GALNTL6: variants seen among roughly 807,000 people sequenced by gnomAD.
GALNTL6 encodes polypeptide N-acetylgalactosaminyltransferase like 6.
In GALNTL6, 46 loss-of-function variants were observed where a neutral mutation model predicts 73.7. The ratio of observed to expected loss-of-function variants is 0.62; its 90% confidence interval spans 0.49 to 0.80. The LOEUF is 0.80. GALNTL6 is among the 30% of genes least tolerant of loss of function. GALNTL6 has a pLI of 0.00. For missense variants in GALNTL6, 604 were observed against 755.0 expected (o/e 0.80, Z 2.34); for synonymous variants, 259 against 263.7 (o/e 0.98, Z 0.17).
chr4:172,373,704 C>A (rs1742911365), intron 5 of GALNTL6, among the ~76,000 whole-genome samples: 1 of 152,068 alleles, frequency 6.6e-6, no homozygotes, highest in Non-Finnish European at 1.5e-5. Flanking sequence ...ATAATAGCTC[C>A]ACCTAATATA....
At chr4:172,623,351 G>GTAGTTTTAA (rs1560840991) in intron 5 of GALNTL6, among the ~76,000 whole-genome samples, 1 of 151,878 alleles carries the variant, frequency 6.6e-6, no homozygotes, top group African/African-American at 2.4e-5. Context: ...TCGATTATGT[G>GTAGTTTTAA]ATCATATGTA....
At chr4:172,907,296 G>A (rs1294334174) in intron 8 of GALNTL6, among the ~76,000 whole-genome samples, 1 of 151,478 alleles carries the variant, frequency 6.6e-6, no homozygotes, top group Non-Finnish European at 1.5e-5. Context: ...GCTTCACCAG[G>A]GTAGCACAAA....
intron 5 of GALNTL6, among the ~76,000 whole-genome samples, chr4:172,381,580 A>G (rs1579017174): frequency 6.6e-6 from 1 of 152,082 alleles, no homozygotes; most frequent in Non-Finnish European, 1.5e-5. Context: ...AGGCTTGTTC[A>G]TTTTGTAGCA....
At chr4:171,924,039 C>T (rs1456369893) in intron 2 of GALNTL6, among the ~76,000 whole-genome samples, 1 of 151,886 alleles carries the variant, frequency 6.6e-6, no homozygotes, top group African/African-American at 2.4e-5. Flanking sequence ...ATAACTCTTA[C>T]TTACTGAATA....
intron 2 of GALNTL6, among the ~76,000 whole-genome samples, chr4:171,821,208 T>A (rs539888485): frequency 1.2e-4 from 19 of 152,096 alleles, no homozygotes; most frequent in African/African-American, 3.1e-4. Flanking sequence ...GATAACTTTT[T>A]AAAAAATTTT....
At chr4:172,398,798 G>A (rs1743937050) in intron 5 of GALNTL6, among the ~76,000 whole-genome samples, 2 of 151,876 alleles carry the variant, frequency 1.3e-5, no homozygotes, top group Admixed American at 6.6e-5. Context: ...GTATTTATGG[G>A]CTTGGTTTGA....
intron 2 of GALNTL6, among the ~76,000 whole-genome samples, chr4:171,905,652 A>C (rs1737253332): frequency 6.7e-6 from 1 of 150,336 alleles, no homozygotes; most frequent in Non-Finnish European, 1.5e-5. Flanking sequence ...CCTAATAGAC[A>C]TCTACAGAAC....
At chr4:172,092,806 T>A (rs1325359438) in intron 2 of GALNTL6, among the ~76,000 whole-genome samples, 11 of 151,808 alleles carry the variant, frequency 7.2e-5, no homozygotes, top group Non-Finnish European at 1.6e-4. Flanking sequence ...AATTTTGTCT[T>A]GAAGAAAAAA....
chr4:172,109,075 CATATT>C (rs574025322), intron 2 of GALNTL6, among the ~76,000 whole-genome samples: 46 of 146,046 alleles, frequency 3.1e-4, no homozygotes, highest in Admixed American at 2.8e-3. Flanking sequence ...GGGTTTTTCT[CATATT>C]ATGTCATTTA....
rs1741154832 is a variant in GALNTL6, at chr4:172,809,351, T to A, written c.554-10T>A. ...GCGTTTTTTCTATGCATTCTCTACT[T>A]CCTACCTAGAACACCTGAAGGATAA... On this transcript the variant is annotated splice_polypyrimidine_tract_variant and intron_variant, in intron 5 of 12. Coordinates refer to ENST00000506823, the MANE Select transcript of GALNTL6 (RefSeq NM_001034845.3). The surrounding 1 kb of genome is among the most constrained non-coding windows in gnomAD (Gnocchi z 4.4). The A allele has an allele frequency of 6.2e-7, 1 of 1,611,998 alleles. No individual in the cohort carries two copies. Among genetic ancestry groups the A allele is most frequent in the South Asian group, 1.1e-5 (1 of 90,812 alleles).
At chr4:172,102,296 C>G (rs1293809627) in intron 2 of GALNTL6, among the ~76,000 whole-genome samples, 1 of 152,096 alleles carries the variant, frequency 6.6e-6, no homozygotes, top group East Asian at 1.9e-4. Context: ...TATTTCTTAC[C>G]CAGATAACAA....
chr4:171,911,785 T>C (rs1248421324), intron 2 of GALNTL6, among the ~76,000 whole-genome samples: 2 of 152,202 alleles, frequency 1.3e-5, no homozygotes, highest in Non-Finnish European at 2.9e-5. Flanking sequence ...ATTTATTATA[T>C]TTATTTATGG....
chr4:172,823,717 G>A (rs565528266), intron 7 of GALNTL6, among the ~76,000 whole-genome samples: 13 of 151,970 alleles, frequency 8.6e-5, no homozygotes, highest in Non-Finnish European at 1.3e-4. Context: ...ACAGCAGAAG[G>A]CATTTATCCA....
intron 10 of GALNTL6, among the ~76,000 whole-genome samples, chr4:172,962,277 GAT>G (rs1554006809): frequency 9.2e-5 from 14 of 152,170 alleles, no homozygotes; most frequent in Non-Finnish European, 2.1e-4. Flanking sequence ...GGTCACAGGG[GAT>G]ATGATGGCTT....
At chr4:172,422,168 G>C (rs1731074156) in intron 5 of GALNTL6, among the ~76,000 whole-genome samples, 1 of 152,018 alleles carries the variant, frequency 6.6e-6, no homozygotes, top group Non-Finnish European at 1.5e-5. Flanking sequence ...TCATTCCTTT[G>C]ATGTTTTGCA....
intron 3 of GALNTL6, among the ~76,000 whole-genome samples, chr4:172,291,958 A>T (rs1036379106): frequency 6.6e-6 from 1 of 152,200 alleles, no homozygotes; most frequent in African/African-American, 2.4e-5. Context: ...CTGTCATTGC[A>T]TATAAAGACA....
chr4:172,056,480 AG>A (rs1387460215), intron 2 of GALNTL6, among the ~76,000 whole-genome samples: 2 of 152,118 alleles, frequency 1.3e-5, no homozygotes, highest in Non-Finnish European at 2.9e-5. Flanking sequence ...CATTTCTTAG[AG>A]TACATACGAT....
intron 2 of GALNTL6, among the ~76,000 whole-genome samples, chr4:171,824,149 T>C (rs1734765268): frequency 6.8e-6 from 1 of 147,156 alleles, no homozygotes; most frequent in African/African-American, 2.5e-5. Context: ...TGCAAAGAGA[T>C]TTTAAAAAGT....
intron 3 of GALNTL6, among the ~76,000 whole-genome samples, chr4:172,272,678 A>C (rs903573471): frequency 2.0e-4 from 30 of 152,190 alleles, no homozygotes; most frequent in Admixed American, 1.6e-3. Flanking sequence ...ATTTGTAAAT[A>C]AATGTGTAGA....
Sources: gnomAD v4.1 joint callset for allele counts (sites outside exome capture counted in the v4.1 genomes callset) on GRCh38, gnomAD v4.1.1 for gene constraint, Gnocchi (gnomAD v3.1) non-coding constraint, MANE v1.5 for transcripts, NCBI Gene and HGNC (gene_info 2026-07-23, HGNC 2026-07-21) for gene names.